The following DNAAF9 variants were observed in gnomAD, a reference collection of about 807,000 sequenced individuals.
DNAAF9 encodes shulin.
In DNAAF9, 90 loss-of-function variants were observed where a neutral mutation model predicts 167.0. The observed-to-expected ratio is 0.54, with a 90% CI of 0.45 to 0.64. The LOEUF is 0.64. Among genes scored for constraint, DNAAF9 ranks in the 30% least tolerant of loss-of-function variants. The probability of loss-of-function intolerance (pLI) is 0.00; values close to 1 mark genes in which losing one functional copy is unlikely to be tolerated. For missense variants in DNAAF9, 1,315 were observed against 1,442.2 expected (o/e 0.91, Z 1.43); for synonymous variants, 491 against 508.8 (o/e 0.96, Z 0.47).
intron 1 of DNAAF9, among the ~76,000 whole-genome samples, chr20:3,397,225 T>A (rs890937683): frequency 1.3e-3 from 193 of 146,958 alleles, no homozygotes; most frequent in African/African-American, 4.5e-3. Context: ...CCAGCCTGGG[T>A]GACAAGAGTG....
intron 14 of DNAAF9, 149 bp from the exon 15 acceptor site, chr20:3,322,845 T>A (rs1461548616): frequency 4.2e-6 from 3 of 709,110 alleles, no homozygotes; most frequent in Non-Finnish European, 7.7e-6. Flanking sequence ...TTGGATACTT[T>A]CCCCAGGGTC....
chr20:3,324,810 G>T, intron 14 of DNAAF9, 82 bp downstream of exon 14: 1 of 746,704 alleles, frequency 1.3e-6, no homozygotes, highest in Non-Finnish European at 2.4e-6. Flanking sequence ...AAGGGGAGAT[G>T]AAATCTAAAT....
chr20:3,310,331 G>A (rs138844973), intron 20 of DNAAF9, among the ~76,000 whole-genome samples: 11 of 79,690 alleles, frequency 1.4e-4, no homozygotes, highest in African/African-American at 4.8e-4. Flanking sequence ...GAAAGAGAAA[G>A]AAAAAGAAAG....
chr20:3,362,712 G>C, intron 6 of DNAAF9, among the ~76,000 whole-genome samples: 1 of 152,064 alleles, frequency 6.6e-6, no homozygotes, highest in East Asian at 1.9e-4. Context: ...AAATGTCTAG[G>C]GGGAAGGAGA....
chr20:3,266,602 T>A (rs147641084), intron 30 of DNAAF9, among the ~76,000 whole-genome samples: 6 of 151,950 alleles, frequency 3.9e-5, no homozygotes, highest in African/African-American at 1.4e-4. Context: ...CTCAGCCTCC[T>A]GAGTAGCTGG....
intron 30 of DNAAF9, among the ~76,000 whole-genome samples, chr20:3,269,985 G>GT (rs1292852497): frequency 3.3e-5 from 5 of 150,170 alleles, no homozygotes; most frequent in East Asian, 1.9e-4. Flanking sequence ...TTCAAAAACT[G>GT]TTTTTTTTCT....
At chr20:3,265,674 C>CT (rs1255778177) in intron 30 of DNAAF9, among the ~76,000 whole-genome samples, 7,936 of 137,058 alleles carry the variant, frequency 0.058, 586 homozygotes, top group African/African-American at 0.17. Context: ...AGATACATTC[C>CT]TTTTTTTTTT....
intron 30 of DNAAF9, among the ~76,000 whole-genome samples, chr20:3,269,297 A>G (rs929107817): frequency 1.3e-5 from 2 of 148,452 alleles, no homozygotes; most frequent in African/African-American, 5.0e-5. Context: ...ATAACCCTAA[A>G]CTCCTGGGCT....
chr20:3,285,416 C>A (rs960393914), intron 27 of DNAAF9, among the ~76,000 whole-genome samples: 10 of 152,038 alleles, frequency 6.6e-5, no homozygotes, highest in Non-Finnish European at 1.2e-4. Flanking sequence ...CGGTGGCTCA[C>A]ACCTGTAATC....
At chr20:3,383,176 G>A (rs535035010) in intron 1 of DNAAF9, among the ~76,000 whole-genome samples, 6 of 152,020 alleles carry the variant, frequency 3.9e-5, no homozygotes, top group African/African-American at 1.4e-4. Flanking sequence ...GCTCCAGAGA[G>A]AGGCGCCCGA....
chr20:3,355,053 T>C (rs1347933203), intron 7 of DNAAF9, among the ~76,000 whole-genome samples: 1 of 152,226 alleles, frequency 6.6e-6, no homozygotes, highest in African/African-American at 2.4e-5. Flanking sequence ...GGCCTCTATG[T>C]GTGACCTGCA....
At chr20:3,325,818 T>C (rs926733768) in intron 13 of DNAAF9, among the ~76,000 whole-genome samples, 5 of 152,068 alleles carry the variant, frequency 3.3e-5, no homozygotes, top group South Asian at 2.1e-4. Context: ...CACTGAGTTA[T>C]AGGAAATCAA....
In DNAAF9 at chr20:3,249,817, A is replaced by C. The variant is rs1043884199; in HGVS notation, c.*2755T>G. 2.6e-4 allele frequency: 40 copies of C among 152,216 alleles called. No individual in the cohort carries two copies. The highest frequency in any genetic ancestry group is 9.2e-4 in the African/African-American group (38 of 41,450). The allele number at this position is 152,216 out of a possible 1,614,324, so 9.4% of individuals were successfully genotyped here. A position where few individuals can be genotyped will look rare whatever the true frequency, so the allele number is the denominator to read the frequency against. ...ATTCTCCAAAATCCTAATAGAATTT[A>C]GGAGGGAACTTTTTCTTGCGACCTG... On this transcript the variant is annotated 3_prime_UTR_variant, in exon 37 of 37. Transcript: ENST00000252032.
chr20:3,338,990 C>T (rs192556071), intron 10 of DNAAF9, among the ~76,000 whole-genome samples: 10 of 151,886 alleles, frequency 6.6e-5, no homozygotes, highest in East Asian at 5.8e-4. Flanking sequence ...TCATTGTTTT[C>T]TTCTCTTCAC....
intron 12 of DNAAF9, among the ~76,000 whole-genome samples, chr20:3,327,091 C>T (rs1432659468): frequency 1.3e-5 from 2 of 152,158 alleles, no homozygotes; most frequent in African/African-American, 4.8e-5. Flanking sequence ...GATGACCAGA[C>T]TGAGGAAGGG....
intron 1 of DNAAF9, among the ~76,000 whole-genome samples, chr20:3,395,689 C>T (rs937852066): frequency 6.6e-6 from 1 of 152,158 alleles, no homozygotes; most frequent in Non-Finnish European, 1.5e-5. Flanking sequence ...GTACTGAGCT[C>T]CCTACTCAGG....
In DNAAF9 at chr20:3,340,654, C is replaced by G. The variant is rs778832239; in HGVS notation, c.846-15G>C. On this transcript the variant is annotated splice_polypyrimidine_tract_variant and intron_variant, in intron 9 of 36. Transcript: ENST00000252032. ...GCCGGTTAGGGCTAGAGAGGGAAGT[C>G]AAAAACATGTGATTAGAAAAGAGTT... The G allele has an allele frequency of 6.2e-7, 1 of 1,613,368 alleles. No individual in the cohort carries two copies. Among genetic ancestry groups the G allele is most frequent in the Non-Finnish European group, 8.5e-7 (1 of 1,179,476 alleles).
At chr20:3,297,155 C>T (rs573469389) in intron 22 of DNAAF9, among the ~76,000 whole-genome samples, 57 of 152,248 alleles carry the variant, frequency 3.7e-4, no homozygotes, top group African/African-American at 1.3e-3. Flanking sequence ...GGTTACTCCC[C>T]CAGGGATTCT....
chr20:3,281,585 TGGTG>T, intron 28 of DNAAF9, 52 bp downstream of exon 28: 1 of 1,511,696 alleles, frequency 6.6e-7, no homozygotes. Context: ...TGTCTTCTTC[TGGTG>T]GGTGGAAACA....
Sources: allele counts gnomAD v4.1 joint callset (sites outside exome capture counted in the v4.1 genomes callset), GRCh38; gene constraint gnomAD v4.1.1; transcripts MANE v1.5; gene names NCBI Gene and HGNC (gene_info 2026-07-23, HGNC 2026-07-21).